ASIC2: variants seen among roughly 807,000 people sequenced by gnomAD.
ASIC2 encodes the protein acid-sensing ion channel 2.
A neutral mutation model predicts 57.3 loss-of-function variants in ASIC2; 25 were observed. The ratio of observed to expected loss-of-function variants is 0.44; its 90% CI spans 0.32 to 0.61. The LOEUF is 0.61. Among genes scored for constraint, ASIC2 ranks in the 20% least tolerant of loss-of-function variants. ASIC2 has a pLI of 0.06. For synonymous variants in ASIC2, 319 were observed against 307.5 expected, an observed-to-expected ratio of 1.04 and a Z score of -0.39; for missense variants, 641 against 738.1, an observed-to-expected ratio of 0.87 and a Z score of 1.52.
At chr17:33,969,693 A>G (rs1035607258) in intron 1 of ASIC2, among the ~76,000 whole-genome samples, 2 of 152,152 alleles carry the variant, frequency 1.3e-5, no homozygotes, top group African/African-American at 4.8e-5. Flanking sequence ...AGCTCCCATC[A>G]TCAATGACAG....
intron 1 of ASIC2, among the ~76,000 whole-genome samples, chr17:33,258,414 G>A (rs558293844): frequency 6.6e-6 from 1 of 152,358 alleles, no homozygotes; most frequent in African/African-American, 2.4e-5. Context: ...AAGGGACAGA[G>A]AAGGAGGATG....
intron 1 of ASIC2, among the ~76,000 whole-genome samples, chr17:33,271,615 T>A (rs887890443): frequency 1.3e-5 from 2 of 152,150 alleles, no homozygotes; most frequent in Non-Finnish European, 2.9e-5. Flanking sequence ...CAATCCACCA[T>A]GAAGTCTCAC....
chr17:33,353,622 G>T (rs1908265720), intron 1 of ASIC2, among the ~76,000 whole-genome samples: 1 of 152,140 alleles, frequency 6.6e-6, no homozygotes, highest in South Asian at 2.1e-4. Flanking sequence ...ACAAGCGTGA[G>T]CCACCATGCC....
intron 1 of ASIC2, among the ~76,000 whole-genome samples, chr17:34,041,696 A>G (rs1280070218): frequency 5.3e-5 from 8 of 152,202 alleles, no homozygotes; most frequent in Non-Finnish European, 1.0e-4. Context: ...TGGGGCTAAC[A>G]CTTGGTGTGA....
chr17:33,319,010 A>G (rs898787168), intron 1 of ASIC2, among the ~76,000 whole-genome samples: 3 of 152,204 alleles, frequency 2.0e-5, no homozygotes, highest in Admixed American at 1.3e-4. Flanking sequence ...CACGCCTGTA[A>G]TCCCAGCACT....
chr17:33,864,449 G>A (rs1323879281), intron 1 of ASIC2, among the ~76,000 whole-genome samples: 2 of 152,204 alleles, frequency 1.3e-5, no homozygotes, highest in African/African-American at 2.4e-5. Context: ...CCCCGATAGG[G>A]CAGGTAGTTA....
intron 1 of ASIC2, among the ~76,000 whole-genome samples, chr17:33,549,795 C>T (rs757410622): frequency 5.9e-4 from 90 of 152,188 alleles, no homozygotes; most frequent in Non-Finnish European, 1.1e-3. Flanking sequence ...ATCCTCCTCC[C>T]TAATGCTTCT....
At chr17:33,461,477 G>T (rs1047367396) in intron 1 of ASIC2, among the ~76,000 whole-genome samples, 2 of 152,066 alleles carry the variant, frequency 1.3e-5, no homozygotes, top group African/African-American at 4.8e-5. Flanking sequence ...CTGCTTCTTG[G>T]TGCTGTCCAA....
intron 1 of ASIC2, among the ~76,000 whole-genome samples, chr17:34,008,750 A>G (rs2142019726): frequency 6.6e-6 from 1 of 152,334 alleles, no homozygotes; most frequent in South Asian, 2.1e-4. Flanking sequence ...AGAGTTCCAG[A>G]AACCCTTCTC....
chr17:33,277,853 TC>T (rs774345348), intron 1 of ASIC2, among the ~76,000 whole-genome samples: 2 of 152,048 alleles, frequency 1.3e-5, no homozygotes, highest in Non-Finnish European at 2.9e-5. Flanking sequence ...ATTCCGGAGG[TC>T]AATATTTCCA....
At chr17:33,049,474 T>C (rs1188062936) in intron 3 of ASIC2, among the ~76,000 whole-genome samples, 1 of 152,184 alleles carries the variant, frequency 6.6e-6, no homozygotes, top group African/African-American at 2.4e-5. Flanking sequence ...TGTGTTTAGT[T>C]TAATTAGTAG....
At chr17:34,007,860 A>T (rs1438461204) in intron 1 of ASIC2, among the ~76,000 whole-genome samples, 1 of 152,204 alleles carries the variant, frequency 6.6e-6, no homozygotes, top group Non-Finnish European at 1.5e-5. Flanking sequence ...CCTAATGGTA[A>T]TTCCTAGGTA....
Position 33,849,776 on chromosome 17 carries a change from T to C in ASIC2, c.555+306202A>G, listed in dbSNP as rs1913714383. Among the ~76,000 whole-genome samples the C allele has an allele frequency of 2.0e-5, 3 of 152,186 alleles. No homozygotes were observed. The South Asian group carries it at 6.2e-4, about 31-fold the overall frequency. ...GACTCAGGCATGGAAAAACCTTTCA[T>C]GCCATGAAAAGGAGTTTGGACTCCT... On this transcript the variant is annotated intron_variant, in intron 1 of 9. Transcript: ENST00000359872.
chr17:33,398,635 T>C (rs1208803303), intron 1 of ASIC2, among the ~76,000 whole-genome samples: 3 of 152,112 alleles, frequency 2.0e-5, no homozygotes, highest in Admixed American at 6.6e-5. Flanking sequence ...GTGTTGGTGA[T>C]GATGAAGAGA....
At chr17:33,342,916 C>T (rs574264692) in intron 1 of ASIC2, among the ~76,000 whole-genome samples, 15 of 152,254 alleles carry the variant, frequency 9.9e-5, no homozygotes, top group Non-Finnish European at 1.8e-4. Flanking sequence ...TCTAGGGACT[C>T]GGTTGGATGG....
At chr17:33,553,472 G>A (rs2141978494) in intron 1 of ASIC2, among the ~76,000 whole-genome samples, 1 of 150,430 alleles carries the variant, frequency 6.6e-6, no homozygotes, top group Non-Finnish European at 1.5e-5. Context: ...AGATTGTTTG[G>A]GAGGCAGATC....
chr17:33,872,448 A>C (rs754723170), intron 1 of ASIC2, among the ~76,000 whole-genome samples: 1 of 152,206 alleles, frequency 6.6e-6, no homozygotes, highest in African/African-American at 2.4e-5. Flanking sequence ...GTTATGAGCC[A>C]GGTATTCCTT....
At chr17:33,291,137 G>A (rs1305223002) in intron 1 of ASIC2, 4 of 589,692 alleles carry the variant, frequency 6.8e-6, no homozygotes, top group Non-Finnish European at 1.1e-5. Flanking sequence ...ATAAGGAGTA[G>A]AATGAGGGCT....
At chr17:33,789,046 G>A (rs909578076) in intron 1 of ASIC2, among the ~76,000 whole-genome samples, 1 of 152,102 alleles carries the variant, frequency 6.6e-6, no homozygotes, top group Non-Finnish European at 1.5e-5. Context: ...AAGAAAAAAA[G>A]TGTGTAACAC....
Sources: allele counts gnomAD v4.1 joint callset (sites outside exome capture counted in the v4.1 genomes callset), GRCh38; gene constraint gnomAD v4.1.1; transcripts MANE v1.5; gene names NCBI Gene and HGNC (gene_info 2026-07-23, HGNC 2026-07-21).